Variants in HSF5 observed in about 807,000 individuals in gnomAD.
HSF5 encodes the protein heat shock factor protein 5.
In HSF5, 5 loss-of-function variants were observed where a neutral mutation model predicts 50.8. The ratio of observed to expected loss-of-function variants is 0.10; its 90% CI spans 0.05 to 0.21. HSF5 has a LOEUF of 0.21. Among genes scored for constraint, HSF5 ranks in the 10% least tolerant of loss-of-function variants. The pLI is 1.00. For missense variants in HSF5, 564 were observed against 762.6 expected (o/e 0.74, Z 3.07); for synonymous variants, 307 against 307.4 (o/e 1.00, Z 0.02).
chr17:58,469,352 T>C (rs1185243824), intron 2 of HSF5, among the ~76,000 whole-genome samples: 1 of 152,210 alleles, frequency 6.6e-6, no homozygotes, highest in Non-Finnish European at 1.5e-5. Context: ...AACTACAATA[T>C]ATAACAGAGA....
chr17:58,482,958 A>G (rs1372467183), intron 1 of HSF5, among the ~76,000 whole-genome samples: 2 of 150,458 alleles, frequency 1.3e-5, no homozygotes, highest in Non-Finnish European at 3.0e-5. Context: ...AAAAAAAAAA[A>G]GCATAAAACA....
chr17:58,453,180 C>G (rs1974663599), intron 5 of HSF5, among the ~76,000 whole-genome samples: 1 of 152,152 alleles, frequency 6.6e-6, no homozygotes, highest in African/African-American at 2.4e-5. Flanking sequence ...TATTTTCAAA[C>G]TCATTCTATA....
At chr17:58,455,151 A>G (rs1974692106) in intron 5 of HSF5, among the ~76,000 whole-genome samples, 1 of 152,156 alleles carries the variant, frequency 6.6e-6, no homozygotes, top group Non-Finnish European at 1.5e-5. Context: ...TTGTAACAGA[A>G]TAGAGAACCC....
At chr17:58,428,590 C>T (rs563300958) in intron 5 of HSF5, among the ~76,000 whole-genome samples, 11 of 151,148 alleles carry the variant, frequency 7.3e-5, no homozygotes, top group African/African-American at 2.7e-4. Flanking sequence ...ACCCAGGAGG[C>T]GGAGCTTGCA....
Position 58,422,280 on chromosome 17 carries a change from A to G in HSF5, c.*80T>C. Reference sequence around the variant, plus strand: ...TTTTTTCCTTAACAGAACTGAAAAAATCCCAACAGTTTGTCATGTGCAAGG... The same window carrying G: ...TTTTTTCCTTAACAGAACTGAAAAAGTCCCAACAGTTTGTCATGTGCAAGG... On this transcript the variant is annotated 3_prime_UTR_variant, in exon 6 of 6. Transcript: ENST00000323777. 6 of 1,033,142 alleles carry G rather than the reference A, an allele frequency of 5.8e-6. No individual in the cohort carries two copies. Among genetic ancestry groups the G allele is most frequent in the Non-Finnish European group, 8.8e-6 (6 of 681,612 alleles). 64.0% of individuals were successfully genotyped at this position (1,033,142 alleles called of 1,614,324 possible). A position where few individuals can be genotyped will look rare whatever the true frequency, so the allele number is the denominator to read the frequency against.
intron 4 of HSF5, among the ~76,000 whole-genome samples, chr17:58,460,514 CTT>C (rs775883313): frequency 1.8e-5 from 2 of 109,808 alleles, no homozygotes; most frequent in Non-Finnish European, 2.0e-5. Flanking sequence ...CACACACATA[CTT>C]TTTTTTTTTT....
rs1205280200 is a variant in HSF5, at chr17:58,471,895, CG to C, written c.926-4917del. ...TTGAGACAGGGTCTTGATCTGTTGC[CG>C]AGGCGGGAGTGCAGTGGCGCGATCT... is the stretch of plus-strand genomic sequence containing the variant. On this transcript the variant is annotated intron_variant, in intron 2 of 5. Transcript: ENST00000323777. Among the ~76,000 whole-genome samples, 20 of 151,996 alleles carry C rather than the reference CG, an allele frequency of 1.3e-4. 1 individual carries two copies. The highest frequency in any genetic ancestry group is 2.2e-4 in the Non-Finnish European group (15 of 68,014).
intron 2 of HSF5, among the ~76,000 whole-genome samples, chr17:58,473,969 C>T: frequency 6.6e-6 from 1 of 152,124 alleles, no homozygotes. Context: ...CCTCAGCCCC[C>T]AAGTAGCTGG....
Position 58,458,753 on chromosome 17 carries a change from C to G in HSF5, c.1720+15G>C. On this transcript the variant is annotated intron_variant, in intron 5 of 5. Transcript: ENST00000323777. ...TGATTCTACTTCTGGCATTCTAGAG[C>G]ACAATAATCCTTACCAGGGGACTTT... 1 of 1,586,686 alleles carries G rather than the reference C, an allele frequency of 6.3e-7. No homozygotes were observed. The highest frequency in any genetic ancestry group is 8.6e-7 in the Non-Finnish European group (1 of 1,168,986).
intron 5 of HSF5, among the ~76,000 whole-genome samples, chr17:58,446,843 A>G (rs778802921): frequency 5.3e-5 from 8 of 152,264 alleles, no homozygotes; most frequent in Non-Finnish European, 7.4e-5. Context: ...AAAGAGAGAG[A>G]AGACCAGGCA....
At chr17:58,469,150 T>C (rs1344136926) in intron 2 of HSF5, among the ~76,000 whole-genome samples, 2 of 141,540 alleles carry the variant, frequency 1.4e-5, no homozygotes, top group East Asian at 4.1e-4. Context: ...CTAAGGAAAA[T>C]CTAGCCACCC....
At chr17:58,460,055 T>A (rs1223257225) in intron 4 of HSF5, among the ~76,000 whole-genome samples, 1 of 152,214 alleles carries the variant, frequency 6.6e-6, no homozygotes, top group East Asian at 1.9e-4. Context: ...TCTCATTCTG[T>A]TGCCCAGGCT....
rs1567903464 is a variant in HSF5, at chr17:58,422,440, A to C, written c.1721-10T>G. On this transcript the variant is annotated splice_polypyrimidine_tract_variant and intron_variant, in intron 5 of 5. Transcript: ENST00000323777. ...ACCAGCAGATGAAGATCTAGAAAGA[A>C]AGGATAGTTTACTCCCTCTTAGCCT... 1.9e-6 allele frequency: 3 copies of C among 1,612,836 alleles called. No individual in the cohort carries two copies. The highest frequency in any genetic ancestry group is 2.5e-6 in the Non-Finnish European group (3 of 1,179,002).
chr17:58,464,225 C>T (rs1029858854), intron 3 of HSF5, among the ~76,000 whole-genome samples: 4 of 152,328 alleles, frequency 2.6e-5, no homozygotes, highest in Non-Finnish European at 4.4e-5. Flanking sequence ...CACTAAGTGA[C>T]TATAGCCAAT....
chr17:58,420,457 T>C lies in HSF5; in HGVS notation c.*1903A>G, dbSNP rs1974215137. ...AAAGCTGATTAAGGCATTTCATTAA[T>C]TAAGCCTTAAAACAACTGAAACCAA... is the stretch of plus-strand genomic sequence containing the variant. On this transcript the variant is annotated 3_prime_UTR_variant, in exon 6 of 6. Transcript: ENST00000323777. 6.6e-6 allele frequency: 1 copy of C among 152,238 alleles called. No individual in the cohort carries two copies. The highest frequency in any genetic ancestry group is 6.5e-5 in the Admixed American group (1 of 15,288). The allele number at this position is 152,238 out of a possible 1,614,324, so 9.4% of individuals were successfully genotyped here. A position where few individuals can be genotyped will look rare whatever the true frequency, so the allele number is the denominator to read the frequency against.
intron 5 of HSF5, among the ~76,000 whole-genome samples, chr17:58,433,581 T>G (rs1974390148): frequency 6.6e-6 from 1 of 152,160 alleles, no homozygotes; most frequent in Non-Finnish European, 1.5e-5. Context: ...TGAAGAGTAT[T>G]CAGTAAAAGA....
chr17:58,423,137 C>T (rs1004368465), intron 5 of HSF5, among the ~76,000 whole-genome samples: 18 of 152,080 alleles, frequency 1.2e-4, no homozygotes, highest in African/African-American at 4.3e-4. Flanking sequence ...AAAGGCAATG[C>T]CTTCAGAAAA....
In HSF5 at chr17:58,463,193, C is replaced by A; in HGVS notation, c.1131G>T (p.Gln377His). Residue 377 changes from glutamine (Q) to histidine (H), a missense_variant, in exon 4 of 6, where the codon CAG becomes CAT. This residue lies in a region of HSF5 where 441 missense variants were observed against 533.6 expected (regional missense o/e 0.83). Transcript: ENST00000323777. The stretch of plus-strand genomic sequence containing the variant: ...GGGAGGAATGCAACTCATCAACTAT[C>A]TGAAAGACAGCCTCTAGGTTTACTT... ...KTEVNLEAVF[Q>H]IVDELHSSPK... 1 of 1,614,216 alleles carries A rather than the reference C, an allele frequency of 6.2e-7. No homozygotes were observed.
chr17:58,461,857 G>C (rs1284326428), intron 4 of HSF5, among the ~76,000 whole-genome samples: 1 of 152,038 alleles, frequency 6.6e-6, no homozygotes, highest in Non-Finnish European at 1.5e-5. Context: ...GTGACAGAGA[G>C]AGACTCCACC....
Sources: gnomAD v4.1 joint callset for allele counts (sites outside exome capture counted in the v4.1 genomes callset) on GRCh38, gnomAD v4.1.1 for gene constraint, gnomAD v4.1.1 regional missense constraint, MANE v1.5 for transcripts, NCBI Gene and HGNC (gene_info 2026-07-23, HGNC 2026-07-21) for gene names.